ORC6: variants seen among roughly 807,000 people sequenced by gnomAD.
The protein encoded by ORC6 is origin recognition complex subunit 6, also known as origin recognition complex, subunit 6 homolog-like (yeast).
Under a neutral mutation model 30.0 loss-of-function variants are expected in ORC6, and 31 were observed. That is an observed-to-expected ratio of 1.03 (90% CI 0.78 to 1.40). ORC6 has a LOEUF of 1.40. Among genes scored for constraint, ORC6 ranks in the 40% most tolerant of loss-of-function variants. The pLI is 0.00. For synonymous variants in ORC6, 136 were observed against 111.2 expected (o/e 1.22, Z -1.40); for missense variants, 340 against 304.3 (o/e 1.12, Z -0.87).
Position 46,691,084 on chromosome 16 carries a change from C to A in ORC6, c.159C>A (p.Asp53Glu), listed in dbSNP as rs768379305. Residue 53 changes from aspartate (D) to glutamate (E), a missense_variant, in exon 2 of 7, where the codon GAC becomes GAA. Coordinates refer to ENST00000219097, the MANE Select transcript of ORC6 (RefSeq NM_014321.4). ...TETSSAVMCL[D>E]LAASWMKCPL... is the part of the protein sequence containing the mutation. ...CCAGCAGTGCAGTCATGTGCCTGGA[C>A]CTTGCAGCTTCCTGGATGAAGTGCC... The A allele has an allele frequency of 6.2e-7, 1 of 1,614,172 alleles. No individual in the cohort carries two copies. Among genetic ancestry groups the A allele is most frequent in the Non-Finnish European group, 8.5e-7 (1 of 1,179,986 alleles).
chr16:46,695,891 A>G, intron 5 of ORC6, 126 bp from the exon 6 acceptor site: 1 of 802,910 alleles, frequency 1.2e-6, no homozygotes. Flanking sequence ...AGAGAGGTCT[A>G]AGATCATTTC....
At position 46,692,450 on chromosome 16, in the gene ORC6, T is replaced by G; in HGVS notation, c.264T>G (p.Cys88Trp). 6.2e-7 allele frequency: 1 copy of G among 1,613,676 alleles called. No individual in the cohort carries two copies. Among genetic ancestry groups the G allele is most frequent in the Non-Finnish European group, 8.5e-7 (1 of 1,179,562 alleles). ...TYQSCLKSFECLLGLNSNIGI... is the reference protein window; with the variant it reads ...TYQSCLKSFEWLLGLNSNIGI... ...AGAGCTGTCTTAAATCTTTTGAGTG[T>G]TTACTGGGCCTGAATTCAAATATTG... Residue 88 changes from cysteine (C) to tryptophan (W), a missense_variant, in exon 3 of 7, where the codon TGT becomes TGG. Transcript: ENST00000219097.
In ORC6 at chr16:46,697,532, A is replaced by G; in HGVS notation, c.706A>G (p.Lys236Glu). Residue 236 changes from lysine to glutamate, a missense_variant, in exon 7 of 7, where the codon AAA becomes GAA. Lys to Glu is a moderately conservative substitution (Grantham distance 56, BLOSUM62 1). Transcript: ENST00000219097. Reference protein sequence around the residue: ...EDLTQDYEEWKRKILENAASA... With the variant: ...EDLTQDYEEWERKILENAASA... ...TCTGACACAGGATTATGAAGAATGG[A>G]AAAGAAAAATTTTGGAAAATGCTGC... 1 of 1,614,066 alleles carries G rather than the reference A, an allele frequency of 6.2e-7. No individual in the cohort carries two copies. Among genetic ancestry groups the G allele is most frequent in the Non-Finnish European group, 8.5e-7 (1 of 1,179,892 alleles).
intron 2 of ORC6, among the ~76,000 whole-genome samples, chr16:46,691,835 T>A (rs1966440400): frequency 6.6e-6 from 1 of 152,102 alleles, no homozygotes. Flanking sequence ...GCCTTATTGT[T>A]ACATTGAAAC....
At chr16:46,696,719 G>C (rs980798376) in intron 6 of ORC6, among the ~76,000 whole-genome samples, 4 of 152,068 alleles carry the variant, frequency 2.6e-5, no homozygotes, top group Non-Finnish European at 5.9e-5. Flanking sequence ...GCAGTGGCAC[G>C]GTCTCGGCTC....
chr16:46,696,463 C>G (rs1400416641), intron 6 of ORC6, among the ~76,000 whole-genome samples: 1 of 152,172 alleles, frequency 6.6e-6, no homozygotes, highest in Non-Finnish European at 1.5e-5. Flanking sequence ...TTGTGATTGG[C>G]TGGGGATTAT....
rs753238661 is a variant in ORC6 at position 46,697,847 on chromosome 16, G to C, written c.*262G>C. The C allele has an allele frequency of 1.3e-5, 7 of 524,648 alleles. No homozygotes were observed. Among genetic ancestry groups the C allele is most frequent in the South Asian group, 1.1e-4 (7 of 65,102 alleles). 32.5% of individuals were successfully genotyped at this position (524,648 alleles called of 1,614,324 possible). A position where few individuals can be genotyped will look rare whatever the true frequency, so the allele number is the denominator to read the frequency against. On this transcript the variant is annotated 3_prime_UTR_variant, in exon 7 of 7. Coordinates refer to ENST00000219097, the MANE Select transcript of ORC6 (RefSeq NM_014321.4). ...ATGGAATTGGAGGCCGGGCGCAGTG[G>C]CTCACGCCTGTAATCCCAGCACTTT...
rs374887638 is a variant in ORC6 at position 46,698,323 on chromosome 16, G to A, written c.*738G>A. 1.5e-4 allele frequency: 69 copies of A among 446,470 alleles called. No individual in the cohort carries two copies. The highest frequency in any genetic ancestry group is 1.3e-3 in the African/African-American group (65 of 49,646). The allele number at this position is 446,470 out of a possible 1,614,324, so 27.7% of individuals were successfully genotyped here. ...TTACAGATTTTACTTCAATTTTTGT[G>A]TACGGTATTTTTTATTTGACTAAAT... On this transcript the variant is annotated 3_prime_UTR_variant, in exon 7 of 7. Coordinates refer to ENST00000219097, the MANE Select transcript of ORC6 (RefSeq NM_014321.4).
chr16:46,689,916 G>T, intron 1 of ORC6, 146 bp downstream of exon 1: 1 of 1,188,810 alleles, frequency 8.4e-7, no homozygotes, highest in African/African-American at 1.6e-5. Flanking sequence ...CCTACTTCAA[G>T]AAAAACTTCT....
intron 4 of ORC6, chr16:46,693,451 T>A: frequency 5.7e-6 from 3 of 523,526 alleles, no homozygotes; most frequent in Non-Finnish European, 1.0e-5. Flanking sequence ...TTGTAAGAGA[T>A]GATATCTGTC....
At chr16:46,693,207 A>T in intron 4 of ORC6, 25 bp downstream of exon 4, 1 of 1,483,810 alleles carries the variant, frequency 6.7e-7, no homozygotes, top group Non-Finnish European at 9.4e-7. Context: ...AAACATTCAG[A>T]AAAGTTACCA....
chr16:46,696,486 G>A (rs1395049734), intron 6 of ORC6, among the ~76,000 whole-genome samples: 1 of 152,168 alleles, frequency 6.6e-6, no homozygotes, highest in Non-Finnish European at 1.5e-5. Flanking sequence ...TTGTCTTTCG[G>A]AGGTTCTTTT....
chr16:46,693,483 G>T, intron 4 of ORC6: 1 of 446,438 alleles, frequency 2.2e-6, no homozygotes, highest in Non-Finnish European at 4.1e-6. Flanking sequence ...CTTCACATGT[G>T]ATTTTTCTGC....
intron 1 of ORC6, 67 bp from the exon 2 acceptor site, chr16:46,690,924 A>G: frequency 3.8e-6 from 6 of 1,572,446 alleles, no homozygotes; most frequent in South Asian, 3.3e-5. Context: ...GGCTGTATTC[A>G]TTGTTTACCA....
rs1374887140 is a variant in ORC6, at chr16:46,697,551, ATGC to A, written c.729_731del (p.Ala244del). On this transcript the variant is annotated inframe_deletion, in exon 7 of 7. Coordinates refer to ENST00000219097, the MANE Select transcript of ORC6 (RefSeq NM_014321.4). ...GAATGGAAAAGAAAAATTTTGGAAA[ATGC>A]TGCCAGTGCTCAAAAGGCTACAGCA... 3.1e-6 allele frequency: 5 copies of A among 1,614,170 alleles called. No individual in the cohort carries two copies. The highest frequency in any genetic ancestry group is 4.2e-6 in the Non-Finnish European group (5 of 1,179,994).
chr16:46,693,021 C>T (rs1444084582), intron 3 of ORC6, 72 bp from the exon 4 acceptor site: 1 of 1,024,440 alleles, frequency 9.8e-7, no homozygotes, highest in Non-Finnish European at 1.6e-6. Flanking sequence ...CTTGTAAGTT[C>T]TGGTTGATAC....
chr16:46,690,194 C>A (rs1596732355), intron 1 of ORC6, among the ~76,000 whole-genome samples: 1 of 152,294 alleles, frequency 6.6e-6, no homozygotes, highest in Admixed American at 6.5e-5. Context: ...CGCGGCCTAG[C>A]GGCTGCCTTT....
intron 4 of ORC6, chr16:46,694,804 G>A (rs1966501717): frequency 6.6e-6 from 1 of 152,168 alleles, no homozygotes; most frequent in African/African-American, 2.4e-5. Flanking sequence ...ATTAGTAATT[G>A]TTGATAATCT....
rs1966510151 is a variant in ORC6 at position 46,695,635 on chromosome 16, C to T, written c.523C>T (p.Leu175=). The change falls in exon 5 of 7, where the codon CTG becomes TTG. Residue 175 remains leucine, a synonymous_variant. Coordinates refer to ENST00000219097, the MANE Select transcript of ORC6 (RefSeq NM_014321.4). ...SGVKKAIFDR[L]CKQLEKIGQQ... ...TGTAAAAAAAGCTATATTTGATCGA[C>T]TGTGTAAACAACTAGAGAAGATTGG... 8 of 1,613,282 alleles carry T rather than the reference C, an allele frequency of 5.0e-6. No homozygotes were observed. The highest frequency in any genetic ancestry group is 6.8e-6 in the Non-Finnish European group (8 of 1,179,284).
Sources: allele counts gnomAD v4.1 joint callset (sites outside exome capture counted in the v4.1 genomes callset), GRCh38; gene constraint gnomAD v4.1.1; transcripts MANE v1.5; gene names NCBI Gene and HGNC (gene_info 2026-07-23, HGNC 2026-07-21).